Variants in FLI1 observed in about 807,000 individuals in gnomAD.
FLI1 encodes Friend leukemia integration 1 transcription factor.
Under a neutral mutation model 53.1 loss-of-function variants are expected in FLI1, and 13 were observed. The ratio of observed to expected loss-of-function variants is 0.24; its 90% CI spans 0.16 to 0.39. FLI1 has a LOEUF of 0.39. FLI1 is among the 10% of genes least tolerant of loss of function. The pLI is 1.00. For missense variants in FLI1, 424 were observed against 600.5 expected (o/e 0.71, Z 3.07); for synonymous variants, 244 against 236.7 (o/e 1.03, Z -0.28).
upstream of FLI1, chr11:128,691,619 C>T (rs1302808973): frequency 2.6e-5 from 4 of 152,262 alleles, no homozygotes; most frequent in African/African-American, 9.7e-5. Context: ...ATCTCCAAAA[C>T]CATGAAATTG....
rs775324684 is a variant in FLI1, at chr11:128,772,766, G to A, written c.386-16G>A. ...CCTTCCTGCAGTCCTTGCTAACAAC[G>A]TCTTCTCCTCTGCAGACCCCACACT... On this transcript the variant is annotated splice_polypyrimidine_tract_variant and intron_variant, in intron 3 of 8. Transcript: ENST00000527786. 4.8e-5 allele frequency: 78 copies of A among 1,612,276 alleles called. No homozygotes were observed. The highest frequency in any genetic ancestry group is 3.7e-4 in the South Asian group (34 of 91,062).
chr11:128,710,352 G>A (rs763407787), intron 1 of FLI1, among the ~76,000 whole-genome samples: 2 of 151,992 alleles, frequency 1.3e-5, no homozygotes, highest in Non-Finnish European at 2.9e-5. Flanking sequence ...TTTATTGAAC[G>A]CATTGAACTA....
intron 1 of FLI1, among the ~76,000 whole-genome samples, chr11:128,718,530 G>A (rs1191629679): frequency 2.0e-5 from 3 of 152,182 alleles, no homozygotes; most frequent in Non-Finnish European, 4.4e-5. Context: ...GACCAATGGA[G>A]AAACCAGGAC....
Position 128,774,616 on chromosome 11 carries a change from G to A in FLI1, c.589+1631G>A, listed in dbSNP as rs192869144. 2.0e-4 allele frequency among the ~76,000 whole-genome samples: 31 copies of A among 152,262 alleles called. No homozygotes were observed. The East Asian group carries it at 2.7e-3, about 13-fold the overall frequency. On this transcript the variant is annotated intron_variant, in intron 4 of 8. Transcript: ENST00000527786. ...GAACCCTAAGCCCTTTCCTTCATTT[G>A]CCAGGAGTAGAGAGGACAACAGTAG... is the stretch of plus-strand genomic sequence containing the variant.
chr11:128,760,016 T>C (rs1395551924), intron 2 of FLI1, among the ~76,000 whole-genome samples: 1 of 152,110 alleles, frequency 6.6e-6, no homozygotes, highest in African/African-American at 2.4e-5. Flanking sequence ...CCAAAACCAG[T>C]GACTGGGATC....
chr11:128,799,043 A>ATTTTT (rs1186555006), intron 5 of FLI1, among the ~76,000 whole-genome samples: 7 of 128,668 alleles, frequency 5.4e-5, no homozygotes, highest in African/African-American at 2.1e-4. Flanking sequence ...TATTATTATT[A>ATTTTT]TTATTATTAT....
At chr11:128,787,564 C>T (rs373798607) in intron 5 of FLI1, among the ~76,000 whole-genome samples, 1 of 152,272 alleles carries the variant, frequency 6.6e-6, no homozygotes, top group African/African-American at 2.4e-5. Context: ...AAAACTTGGG[C>T]TCTGGACTCA....
At chr11:128,777,491 T>C (rs1337166633) in intron 4 of FLI1, among the ~76,000 whole-genome samples, 1 of 152,190 alleles carries the variant, frequency 6.6e-6, no homozygotes, top group Non-Finnish European at 1.5e-5. Flanking sequence ...TTTTCTGGTC[T>C]TTCCACCTGC....
chr11:128,769,840 G>A (rs1941488133), intron 3 of FLI1, among the ~76,000 whole-genome samples: 1 of 152,154 alleles, frequency 6.6e-6, no homozygotes, highest in African/African-American at 2.4e-5. Flanking sequence ...GTAATGTTTA[G>A]CCCAGGTGTA....
intron 1 of FLI1, among the ~76,000 whole-genome samples, chr11:128,741,246 A>G (rs973747118): frequency 6.6e-6 from 1 of 152,114 alleles, no homozygotes; most frequent in Non-Finnish European, 1.5e-5. Flanking sequence ...TACAAAAATT[A>G]GCCAGGTGTG....
chr11:128,739,682 T>A (rs1368421657), intron 1 of FLI1, among the ~76,000 whole-genome samples: 3 of 152,076 alleles, frequency 2.0e-5, no homozygotes, highest in Non-Finnish European at 4.4e-5. Context: ...AATCCTTCGC[T>A]TGCTTGCCAC....
chr11:128,739,950 C>T (rs775970153), intron 1 of FLI1, among the ~76,000 whole-genome samples: 9 of 152,106 alleles, frequency 5.9e-5, no homozygotes, highest in East Asian at 1.9e-4. Context: ...ACGTCTGAGC[C>T]GCATCAGGCC....
At chr11:128,773,427 T>C (rs1463875231) in intron 4 of FLI1, among the ~76,000 whole-genome samples, 1 of 152,006 alleles carries the variant, frequency 6.6e-6, no homozygotes. Context: ...CCTCTTAATC[T>C]TGGGATACTC....
intron 5 of FLI1, among the ~76,000 whole-genome samples, chr11:128,788,803 C>G (rs541309517): frequency 6.6e-6 from 1 of 152,280 alleles, no homozygotes; most frequent in East Asian, 1.9e-4. Context: ...GATTCATGCT[C>G]TCCTCCATTC....
At chr11:128,758,502 TGGA>T (rs1272640622) in intron 2 of FLI1, among the ~76,000 whole-genome samples, 176 bp downstream of exon 2, 2 of 151,868 alleles carry the variant, frequency 1.3e-5, no homozygotes, top group Non-Finnish European at 2.9e-5. Flanking sequence ...GATGATGGGG[TGGA>T]GTAGGGCTAG....
At chr11:128,759,577 T>C (rs548597899) in intron 2 of FLI1, among the ~76,000 whole-genome samples, 1 of 152,270 alleles carries the variant, frequency 6.6e-6, no homozygotes, top group African/African-American at 2.4e-5. Context: ...TAACAGGGCT[T>C]AGGTGAGTAA....
chr11:128,730,637 C>A (rs2135752889), intron 1 of FLI1, among the ~76,000 whole-genome samples: 1 of 152,338 alleles, frequency 6.6e-6, no homozygotes, highest in South Asian at 2.1e-4. Flanking sequence ...ACACCCACTC[C>A]TTTTGTCTCT....
chr11:128,796,210 C>A (rs2268604), intron 5 of FLI1, among the ~76,000 whole-genome samples: 15,372 of 152,146 alleles, frequency 0.1, 933 homozygotes, highest in East Asian at 0.26. Flanking sequence ...GTAACACCAC[C>A]AACAGTCCTA....
chr11:128,703,412 G>A (rs1323697019), intron 1 of FLI1, among the ~76,000 whole-genome samples: 1 of 152,184 alleles, frequency 6.6e-6, no homozygotes, highest in Non-Finnish European at 1.5e-5. Context: ...TCCACCAGTA[G>A]GGGACTAGAT....
Sources: allele counts gnomAD v4.1 joint callset (sites outside exome capture counted in the v4.1 genomes callset), GRCh38; gene constraint gnomAD v4.1.1; transcripts MANE v1.5; gene names NCBI Gene and HGNC (gene_info 2026-07-23, HGNC 2026-07-21).